The following EYS variants were observed in gnomAD, a reference collection of about 807,000 sequenced individuals.
EYS encodes the protein EGF-like photoreceptor maintenance factor.
A neutral mutation model predicts 282.1 loss-of-function variants in EYS; 250 were observed. The observed-to-expected ratio is 0.89, with a 90% CI of 0.80 to 0.98. The LOEUF (loss-of-function observed/expected upper bound fraction) is 0.98. Among genes scored for constraint, EYS ranks in the 50% least tolerant of loss-of-function variants. EYS has a pLI of 0.00. For missense variants in EYS, 4,016 were observed against 3,709.0 expected (o/e 1.08, Z -2.15); for synonymous variants, 1,355 against 1,282.9 (o/e 1.06, Z -1.20).
rs542273289 is a variant in EYS at position 65,228,851 on chromosome 6, A to G, written c.2023+67012T>C. On this transcript the variant is annotated intron_variant, in intron 12 of 42. Coordinates refer to ENST00000503581, the MANE Select transcript of EYS (RefSeq NM_001142800.2). ...ATGACACAGAATACAGAATCTACAAATAATCTAGTTACATGGTCAATTAAT... is the reference window on the plus strand; with the variant it reads ...ATGACACAGAATACAGAATCTACAAGTAATCTAGTTACATGGTCAATTAAT... Among the ~76,000 whole-genome samples, 4 of 152,226 alleles carry G rather than the reference A, an allele frequency of 2.6e-5. No homozygotes were observed. The East Asian group carries it at 7.7e-4, about 29-fold the overall frequency.
intron 5 of EYS, among the ~76,000 whole-genome samples, chr6:65,413,771 G>A (rs1325541576): frequency 3.3e-5 from 5 of 151,916 alleles, no homozygotes; most frequent in African/African-American, 1.2e-4. Flanking sequence ...CAGAAGAATT[G>A]CTAGAACCCA....
At chr6:64,528,025 A>G (rs1447468687) in intron 26 of EYS, among the ~76,000 whole-genome samples, 1 of 151,902 alleles carries the variant, frequency 6.6e-6, no homozygotes, top group Non-Finnish European at 1.5e-5. Context: ...GTAAGTATAC[A>G]TAGACTCACA....
chr6:65,577,136 A>T (rs1245033192), intron 2 of EYS, among the ~76,000 whole-genome samples: 1 of 151,928 alleles, frequency 6.6e-6, no homozygotes. Flanking sequence ...TAAAAAGAAC[A>T]AAGCCAGATA....
chr6:65,569,491 C>T (rs1294804284), intron 2 of EYS, among the ~76,000 whole-genome samples: 2 of 152,168 alleles, frequency 1.3e-5, no homozygotes, highest in Admixed American at 6.5e-5. Context: ...AAATTAGCTA[C>T]ATGATTACAA....
At chr6:65,271,128 TTATATATATATATATA>T (rs70999188) in intron 12 of EYS, among the ~76,000 whole-genome samples, 1 of 55,788 alleles carries the variant, frequency 1.8e-5, no homozygotes, top group Non-Finnish European at 3.7e-5. Context: ...AATCAATAGA[TTATATATATATATATA>T]TATATATATG....
intron 8 of EYS, among the ~76,000 whole-genome samples, chr6:65,354,025 T>C (rs964399948): frequency 2.0e-5 from 3 of 152,162 alleles, no homozygotes; most frequent in African/African-American, 4.8e-5. Context: ...TTTGCTATCA[T>C]TTGAAAATAG....
chr6:65,476,718 A>G (rs2127250157), intron 5 of EYS, among the ~76,000 whole-genome samples: 1 of 152,206 alleles, frequency 6.6e-6, no homozygotes, highest in East Asian at 1.9e-4. Context: ...CTGGGACTAC[A>G]GGCGCGTGCC....
At chr6:65,086,707 C>T (rs1774387094) in intron 12 of EYS, among the ~76,000 whole-genome samples, 1 of 152,112 alleles carries the variant, frequency 6.6e-6, no homozygotes, top group African/African-American at 2.4e-5. Context: ...TGCATTATGT[C>T]TTCCTTAAAT....
intron 31 of EYS, among the ~76,000 whole-genome samples, chr6:64,210,361 G>C (rs745611204): frequency 2.6e-5 from 4 of 152,028 alleles, no homozygotes; most frequent in Non-Finnish European, 4.4e-5. Context: ...CTTTCTGAAG[G>C]CTCTCTCCTT....
intron 12 of EYS, among the ~76,000 whole-genome samples, chr6:65,070,493 C>A (rs1285428618): frequency 6.6e-6 from 1 of 151,770 alleles, no homozygotes; most frequent in Non-Finnish European, 1.5e-5. Context: ...CAATATTTTT[C>A]TCATTCTTAC....
At chr6:65,065,548 A>ATT (rs35091508) in intron 12 of EYS, among the ~76,000 whole-genome samples, 78 of 145,834 alleles carry the variant, frequency 5.3e-4, no homozygotes, top group Middle Eastern at 3.4e-3. Flanking sequence ...ACGCCTGGCT[A>ATT]TTTTTTTTTT....
At chr6:64,929,207 T>TAC (rs1299371085) in intron 15 of EYS, among the ~76,000 whole-genome samples, 2 of 151,976 alleles carry the variant, frequency 1.3e-5, no homozygotes, top group Admixed American at 6.6e-5. Context: ...GGAAGAAAAC[T>TAC]ACAAAAATTG....
chr6:64,614,544 T>G (rs990741521), intron 24 of EYS, among the ~76,000 whole-genome samples: 2 of 151,988 alleles, frequency 1.3e-5, no homozygotes, highest in Non-Finnish European at 2.9e-5. Context: ...ATGACCAAAA[T>G]GAAAACACGT....
intron 27 of EYS, among the ~76,000 whole-genome samples, chr6:64,436,847 T>C (rs530751052): frequency 1.5e-3 from 225 of 151,948 alleles, no homozygotes; most frequent in African/African-American, 5.2e-3. Flanking sequence ...ATGGATGTGC[T>C]ACATTGGCTT....
chr6:64,700,256 G>A (rs1036876739), intron 22 of EYS, among the ~76,000 whole-genome samples: 5 of 151,818 alleles, frequency 3.3e-5, no homozygotes, highest in Non-Finnish European at 7.4e-5. Flanking sequence ...AGCCATATAA[G>A]GCAAACCCAC....
At chr6:64,915,141 T>C (rs879786300) in intron 15 of EYS, among the ~76,000 whole-genome samples, 3 of 152,076 alleles carry the variant, frequency 2.0e-5, no homozygotes, top group Admixed American at 6.5e-5. Flanking sequence ...CTATATCCCA[T>C]TACTGAAATT....
At chr6:64,468,298 T>C (rs532601096) in intron 26 of EYS, among the ~76,000 whole-genome samples, 1 of 152,340 alleles carries the variant, frequency 6.6e-6, no homozygotes, top group African/African-American at 2.4e-5. Flanking sequence ...CACACGAAGA[T>C]TACATTACTG....
intron 30 of EYS, among the ~76,000 whole-genome samples, chr6:64,251,456 A>G (rs1053207507): frequency 2.0e-5 from 3 of 152,158 alleles, no homozygotes; most frequent in African/African-American, 7.2e-5. Context: ...AAGTACCTTC[A>G]GGAATGCCAA....
chr6:63,937,597 G>C lies in EYS; in HGVS notation c.7055+46786C>G, dbSNP rs141159446. On this transcript the variant is annotated intron_variant, in intron 35 of 42. Coordinates refer to ENST00000503581, the MANE Select transcript of EYS (RefSeq NM_001142800.2). Reference sequence around the variant, plus strand: ...GGGGTTTCACTGTGTTAGCCAGGATGGTCTCAATCTCCTGACCTCGTGATC... The same window carrying C: ...GGGGTTTCACTGTGTTAGCCAGGATCGTCTCAATCTCCTGACCTCGTGATC... Among the ~76,000 whole-genome samples, 1,090 of 151,364 alleles carry C rather than the reference G, an allele frequency of 7.2e-3. 12 individuals carry two copies. The highest frequency in any genetic ancestry group is 0.024 in the African/African-American group (1,007 of 41,250).
Sources: allele counts gnomAD v4.1 joint callset (sites outside exome capture counted in the v4.1 genomes callset), GRCh38; gene constraint gnomAD v4.1.1; transcripts MANE v1.5; gene names NCBI Gene and HGNC (gene_info 2026-07-23, HGNC 2026-07-21).